ZCCHC7: variants seen among roughly 807,000 people sequenced by gnomAD.
The protein encoded by ZCCHC7 is zinc finger CCHC domain-containing protein 7.
A neutral mutation model predicts 52.0 loss-of-function variants in ZCCHC7; 35 were observed. That is an observed-to-expected ratio of 0.67 (90% CI 0.51 to 0.89). ZCCHC7 has a LOEUF of 0.89. Among genes scored for constraint, ZCCHC7 ranks in the 40% least tolerant of loss-of-function variants. ZCCHC7 has a pLI of 0.00. For synonymous variants in ZCCHC7, 217 were observed against 221.5 expected, an observed-to-expected ratio of 0.98 and a Z score of 0.18; for missense variants, 574 against 649.1, an observed-to-expected ratio of 0.88 and a Z score of 1.26.
At chr9:37,120,808 G>T (rs1842277758) in intron 1 of ZCCHC7, 185 bp downstream of exon 1, 1 of 301,592 alleles carries the variant, frequency 3.3e-6, no homozygotes, top group Admixed American at 5.2e-5. Flanking sequence ...CCACGCGGCC[G>T]GGCTGCGGGT....
chr9:37,333,449 CT>C, intron 6 of ZCCHC7, among the ~76,000 whole-genome samples: 1 of 151,754 alleles, frequency 6.6e-6, no homozygotes, highest in African/African-American at 2.4e-5. Context: ...ATTCCTGCCC[CT>C]AGTGGCTAGG....
chr9:37,275,187 T>C (rs1165619749), intron 2 of ZCCHC7, among the ~76,000 whole-genome samples: 1 of 152,214 alleles, frequency 6.6e-6, no homozygotes, highest in Non-Finnish European at 1.5e-5. Context: ...CTCAGGATGT[T>C]GCACCCTTGC....
At chr9:37,188,009 A>T (rs1822756461) in intron 2 of ZCCHC7, among the ~76,000 whole-genome samples, 1 of 152,178 alleles carries the variant, frequency 6.6e-6, no homozygotes, top group African/African-American at 2.4e-5. Flanking sequence ...GAATTTGAAA[A>T]TTTGAGTTTT....
intron 6 of ZCCHC7, among the ~76,000 whole-genome samples, chr9:37,331,072 G>A (rs1259054433): frequency 6.6e-6 from 1 of 151,734 alleles, no homozygotes; most frequent in Non-Finnish European, 1.5e-5. Flanking sequence ...TTGTTAAAAT[G>A]TATTTCAACC....
chr9:37,349,332 A>T (rs527999121), intron 6 of ZCCHC7, 25 bp from the exon 7 acceptor site: 3 of 1,609,566 alleles, frequency 1.9e-6, no homozygotes, highest in South Asian at 2.2e-5. Flanking sequence ...ACATCAACAA[A>T]CCCTCACAAA....
intron 2 of ZCCHC7, among the ~76,000 whole-genome samples, chr9:37,250,981 T>C (rs1826302959): frequency 6.6e-6 from 1 of 152,212 alleles, no homozygotes; most frequent in Admixed American, 6.5e-5. Context: ...TTTTAAAATG[T>C]GTTCTTTTTA....
In ZCCHC7 at chr9:37,126,413, T is replaced by A. The variant is rs1347826998; in HGVS notation, c.81T>A (p.Val27=). ...YRDESSSELS[V]DSEVEFQLYS... Reference sequence around the variant, plus strand: ...ATGAGTCATCTAGTGAACTGAGTGTTGATAGTGAGGTGGAATTTCAACTCT... The same window carrying A: ...ATGAGTCATCTAGTGAACTGAGTGTAGATAGTGAGGTGGAATTTCAACTCT... The change falls in exon 2 of 9, where the codon GTT becomes GTA. Residue 27 remains valine, a synonymous_variant. Transcript: ENST00000336755. The A allele has an allele frequency of 6.2e-7, 1 of 1,614,032 alleles. No homozygotes were observed.
intron 2 of ZCCHC7, among the ~76,000 whole-genome samples, chr9:37,273,928 T>A (rs1403091444): frequency 6.6e-6 from 1 of 152,236 alleles, no homozygotes; most frequent in Admixed American, 6.5e-5. Context: ...ACCTGTGGCT[T>A]GTCCTTTAAG....
intron 2 of ZCCHC7, among the ~76,000 whole-genome samples, chr9:37,211,800 G>A (rs981683619): frequency 1.3e-5 from 2 of 151,978 alleles, no homozygotes; most frequent in African/African-American, 4.8e-5. Context: ...AGGCCAATGT[G>A]GGCGGATCAC....
chr9:37,349,932 C>T (rs1372005849), intron 7 of ZCCHC7, among the ~76,000 whole-genome samples: 7 of 151,742 alleles, frequency 4.6e-5, no homozygotes, highest in Non-Finnish European at 7.4e-5. Flanking sequence ...GGATTACAGG[C>T]GCCTGCCACC....
In ZCCHC7 at chr9:37,357,031, A is replaced by T; in HGVS notation, c.1395A>T (p.Arg465Ser). Residue 465 changes from arginine to serine, a missense_variant, in exon 9 of 9, where the codon AGA (arginine) becomes AGT (serine). Transcript: ENST00000336755. Reference sequence around the variant, plus strand: ...GGGAGAAGCACAGGAAGGCTGACAGACATCGTGAAGTGGATGAGGATTTTC... The same window carrying T: ...GGGAGAAGCACAGGAAGGCTGACAGTCATCGTGAAGTGGATGAGGATTTTC... ...RNWEKHRKAD[R>S]HREVDEDFPR... 6.2e-7 allele frequency: 1 copy of T among 1,613,896 alleles called. No individual in the cohort carries two copies. Among genetic ancestry groups the T allele is most frequent in the Non-Finnish European group, 8.5e-7 (1 of 1,179,956 alleles).
rs1019064498 is a variant in ZCCHC7 at position 37,305,553 on chromosome 9, C to T, written c.790C>T (p.Arg264Cys). 6.8e-6 allele frequency: 11 copies of T among 1,613,508 alleles called. No homozygotes were observed. The highest frequency in any genetic ancestry group is 1.7e-5 in the Admixed American group (1 of 59,974). ...KNCPLPRKVRRCFLCSRRGHL... is the reference protein window; with the variant it reads ...KNCPLPRKVRCCFLCSRRGHL... ...TTTTTTCGCCACATAGAAAGTTCGT[C>T]GCTGCTTCCTGTGCTCCAGGAGAGG... Residue 264 changes from arginine to cysteine, a missense_variant, in exon 5 of 9, where the codon CGC becomes TGC. Around this residue, in one of 3 missense-constraint regions of ZCCHC7, gnomAD observed 403 missense variants for 461.2 expected, o/e 0.87. Coordinates refer to ENST00000336755, the MANE Select transcript of ZCCHC7 (RefSeq NM_032226.3).
chr9:37,205,257 G>A lies in ZCCHC7; in HGVS notation c.610+78315G>A, dbSNP rs894851679. 45 of 334,484 alleles carry A rather than the reference G, an allele frequency of 1.3e-4. 1 individual carries two copies. In the Admixed American group the frequency reaches 1.4e-3, roughly 10 times the overall value. 20.7% of individuals were successfully genotyped at this position (334,484 alleles called of 1,614,324 possible). A position where few individuals can be genotyped will look rare whatever the true frequency, so the allele number is the denominator to read the frequency against. The stretch of plus-strand genomic sequence containing the variant: ...TTTGCCATGGTAACATTTGTGAGGT[G>A]TTCCTTTTTGAACAGTACCTATTCC... On this transcript the variant is annotated intron_variant, in intron 2 of 8. Transcript: ENST00000336755.
At chr9:37,243,669 C>T (rs1446425703) in intron 2 of ZCCHC7, among the ~76,000 whole-genome samples, 1 of 151,858 alleles carries the variant, frequency 6.6e-6, no homozygotes, top group African/African-American at 2.4e-5. Context: ...GTGGACTATG[C>T]TAGAGGAGTT....
chr9:37,134,650 A>ATCCCCTTATGAGT, intron 2 of ZCCHC7, among the ~76,000 whole-genome samples: 1 of 152,156 alleles, frequency 6.6e-6, no homozygotes, highest in Non-Finnish European at 1.5e-5. Flanking sequence ...CATTAAGAGA[A>ATCCCCTTATGAGT]AATTGTTGGT....
At position 37,298,686 on chromosome 9, in the gene ZCCHC7, A is replaced by G. The variant is rs547717039; in HGVS notation, c.611-3502A>G. 2.6e-5 allele frequency among the ~76,000 whole-genome samples: 4 copies of G among 152,340 alleles called. No homozygotes were observed. The South Asian group carries it at 6.2e-4, about 24-fold the overall frequency. Reference sequence around the variant, plus strand: ...GGATGATGGAAATGTTCTACATTTGATTTTTATAGTGATTACCCAGGTGTA... The same window carrying G: ...GGATGATGGAAATGTTCTACATTTGGTTTTTATAGTGATTACCCAGGTGTA... On this transcript the variant is annotated intron_variant, in intron 2 of 8. Transcript: ENST00000336755.
intron 2 of ZCCHC7, among the ~76,000 whole-genome samples, chr9:37,247,667 G>A (rs1238859671): frequency 6.6e-6 from 1 of 152,128 alleles, no homozygotes; most frequent in Non-Finnish European, 1.5e-5. Context: ...AGCACTTTGG[G>A]AAGGGCCAAG....
At chr9:37,209,282 T>C (rs1014889687) in intron 2 of ZCCHC7, among the ~76,000 whole-genome samples, 1 of 152,110 alleles carries the variant, frequency 6.6e-6, no homozygotes, top group African/African-American at 2.4e-5. Context: ...CCTTGTGATC[T>C]GCCCACCTCG....
intron 2 of ZCCHC7, among the ~76,000 whole-genome samples, chr9:37,291,411 T>G (rs1828531067): frequency 6.6e-6 from 1 of 152,092 alleles, no homozygotes. Context: ...CAACAGAACA[T>G]TGTTCATCAC....
Sources: gnomAD v4.1 joint callset for allele counts (sites outside exome capture counted in the v4.1 genomes callset) on GRCh38, gnomAD v4.1.1 for gene constraint, gnomAD v4.1.1 regional missense constraint, MANE v1.5 for transcripts, NCBI Gene and HGNC (gene_info 2026-07-23, HGNC 2026-07-21) for gene names.